The following CNPY4 variants were observed in gnomAD, a reference collection of about 807,000 sequenced individuals.
The protein encoded by CNPY4 is protein canopy homolog 4.
CNPY4 carries 33 observed loss-of-function variants against 30.1 expected under a neutral mutation model. That is an observed-to-expected ratio of 1.10 (90% CI 0.83 to 1.46). The LOEUF is 1.46. Among genes scored for constraint, CNPY4 ranks in the 40% most tolerant of loss-of-function variants. The probability of loss-of-function intolerance (pLI) is 0.00; values close to 1 mark genes in which losing one functional copy is unlikely to be tolerated. For synonymous variants in CNPY4, 109 were observed against 110.1 expected, an observed-to-expected ratio of 0.99 and a Z score of 0.06; for missense variants, 324 against 302.6, an observed-to-expected ratio of 1.07 and a Z score of -0.52.
intron 5 of CNPY4, 32 bp from the exon 6 acceptor site, chr7:100,124,693 A>G (rs746547214): frequency 3.1e-6 from 5 of 1,613,318 alleles, no homozygotes; most frequent in Admixed American, 3.3e-5. Flanking sequence ...TCCAGGACTA[A>G]TATCTAAATT....
chr7:100,123,817 G>A (rs1051860300), intron 4 of CNPY4, among the ~76,000 whole-genome samples: 5 of 152,210 alleles, frequency 3.3e-5, no homozygotes, highest in African/African-American at 7.2e-5. Context: ...ATTGGGCCCT[G>A]CCTTAAGGAA....
chr7:100,122,682 T>TCA (rs1798108162), intron 3 of CNPY4, 102 bp from the exon 4 acceptor site: 1 of 1,518,812 alleles, frequency 6.6e-7, no homozygotes, highest in Non-Finnish European at 9.0e-7. Flanking sequence ...ATCATGGAAC[T>TCA]CACCCTTGAA....
In CNPY4 at chr7:100,122,933, G is replaced by A. The variant is rs766552311; in HGVS notation, c.465+27G>A. On this transcript the variant is annotated intron_variant, in intron 4 of 5. Transcript: ENST00000262932. The stretch of plus-strand genomic sequence containing the variant: ...TAGGATAAGACACTGCACCATCCAG[G>A]GAGGTGAGAAGGGAACCTGAGAGGG... 4 of 1,592,654 alleles carry A rather than the reference G, an allele frequency of 2.5e-6. No individual in the cohort carries two copies. In the East Asian group the frequency reaches 9.0e-5, roughly 36 times the overall value.
intron 1 of CNPY4, chr7:100,122,049 G>GAAAA (rs111511573): frequency 8.0e-4 from 250 of 313,748 alleles, no homozygotes; most frequent in East Asian, 1.6e-3. Flanking sequence ...GAGTCCGTCT[G>GAAAA]AAAAAAAAAA....
rs751721241 is a variant in CNPY4, at chr7:100,124,544, A to G, written c.496A>G (p.Ile166Val). Reference protein sequence around the residue: ...CETMLEEFEDIVGDWYFHHQE... With the variant: ...CETMLEEFEDVVGDWYFHHQE... The stretch of plus-strand genomic sequence containing the variant: ...GACCATGTTGGAGGAGTTTGAAGAC[A>G]TTGTGGGAGACTGGTACTTCCACCA... The change falls in exon 5 of 6, where the codon ATT (isoleucine) becomes GTT (valine). Residue 166 changes from isoleucine to valine, a missense_variant. Transcript: ENST00000262932. 1.2e-6 allele frequency: 2 copies of G among 1,612,952 alleles called. No individual in the cohort carries two copies. The highest frequency in any genetic ancestry group is 1.3e-5 in the African/African-American group (1 of 74,620).
At chr7:100,122,697 CAGT>C in intron 3 of CNPY4, 84 bp from the exon 4 acceptor site, 2 of 1,542,074 alleles carry the variant, frequency 1.3e-6, no homozygotes, top group South Asian at 2.4e-5. Flanking sequence ...CTTGAATCTC[CAGT>C]AGTTGACAAA....
intron 4 of CNPY4, among the ~76,000 whole-genome samples, chr7:100,123,327 G>A (rs1269356228): frequency 6.6e-6 from 1 of 150,900 alleles, no homozygotes; most frequent in Non-Finnish European, 1.5e-5. Flanking sequence ...GGGCGACAGA[G>A]CAAGACTCCA....
At chr7:100,123,175 T>C (rs955351005) in intron 4 of CNPY4, among the ~76,000 whole-genome samples, 1 of 151,540 alleles carries the variant, frequency 6.6e-6, no homozygotes. Flanking sequence ...AACCCCGTCT[T>C]TAATAAAAAC....
chr7:100,119,825 G>C lies in CNPY4; in HGVS notation c.81G>C (p.Glu27Asp), dbSNP rs766317391. 18 of 1,613,636 alleles carry C rather than the reference G, an allele frequency of 1.1e-5. No individual in the cohort carries two copies. The highest frequency in any genetic ancestry group is 1.4e-5 in the Non-Finnish European group (16 of 1,179,910). Residue 27 changes from glutamate (E) to aspartate (D), a missense_variant, in exon 1 of 6, where the codon GAG (glutamate) becomes GAC (aspartate). By Grantham distance (45) the Glu-to-Asp change is conservative. Coordinates refer to ENST00000262932, the MANE Select transcript of CNPY4 (RefSeq NM_152755.2). ...CTTGGGCTGGGATGTTGAAGGAGGAGGACGATGACACAGAACGCTTGCCCA... is the reference window on the plus strand; with the variant it reads ...CTTGGGCTGGGATGTTGAAGGAGGACGACGATGACACAGAACGCTTGCCCA... ...HEAWAGMLKE[E>D]DDDTERLPSK...
chr7:100,124,645 T>C lies in CNPY4; in HGVS notation c.583+14T>C, dbSNP rs201532149. ...CTGCTGAAACTGGTAAGCGTAAGGG[T>C]TGAACTCCTCTCCTGCCAAGCCATA... On this transcript the variant is annotated intron_variant, in intron 5 of 5. Coordinates refer to ENST00000262932, the MANE Select transcript of CNPY4 (RefSeq NM_152755.2). 5.6e-6 allele frequency: 9 copies of C among 1,611,942 alleles called. No individual in the cohort carries two copies. The highest frequency in any genetic ancestry group is 1.7e-4 in the Middle Eastern group (1 of 6,058).
At position 100,124,779 on chromosome 7, in the gene CNPY4, C is replaced by T. The variant is rs1584590392; in HGVS notation, c.638C>T (p.Thr213Ile). The change falls in exon 6 of 6, where the codon ACA (threonine) becomes ATA (isoleucine). Residue 213 changes from threonine (T) to isoleucine (I), a missense_variant. Coordinates refer to ENST00000262932, the MANE Select transcript of CNPY4 (RefSeq NM_152755.2). ...GKEITDGEEK[T>I]EGEEEQEEEE... ...GAGATCACAGATGGGGAAGAGAAAA[C>T]AGAAGGGGAGGAAGAGCAGGAGGAG... The T allele has an allele frequency of 6.2e-7, 1 of 1,613,394 alleles. No homozygotes were observed. The highest frequency in any genetic ancestry group is 8.5e-7 in the Non-Finnish European group (1 of 1,179,864).
Position 100,121,852 on chromosome 7 carries a change from C to T in CNPY4, c.119-407C>T, listed in dbSNP as rs376940929. 4.0e-4 allele frequency among the ~76,000 whole-genome samples: 61 copies of T among 151,558 alleles called. 2 individuals carry two copies. In the South Asian group the frequency reaches 4.8e-3, roughly 12 times the overall value. On this transcript the variant is annotated intron_variant, in intron 1 of 5. Transcript: ENST00000262932. Reference sequence around the variant, plus strand: ...GATCACAAGGTCAGCTGATCGAGACCATCCTGGCTAACACGGTGAAACCCT... The same window carrying T: ...GATCACAAGGTCAGCTGATCGAGACTATCCTGGCTAACACGGTGAAACCCT...
intron 1 of CNPY4, chr7:100,121,065 C>A: frequency 1.1e-5 from 1 of 93,110 alleles, no homozygotes; most frequent in Non-Finnish European, 2.1e-5. Context: ...GAGGGACATA[C>A]TATTATTATC....
In CNPY4 at chr7:100,119,789, C is replaced by A; in HGVS notation, c.45C>A (p.Ala15=). 1 of 1,613,968 alleles carries A rather than the reference C, an allele frequency of 6.2e-7. No individual in the cohort carries two copies. Among genetic ancestry groups the A allele is most frequent in the Middle Eastern group, 1.7e-4 (1 of 6,060 alleles). Residue 15 remains alanine (A), a synonymous_variant, in exon 1 of 6, where the codon GCC becomes GCA. Coordinates refer to ENST00000262932, the MANE Select transcript of CNPY4 (RefSeq NM_152755.2). ...GAATATTGCTTTTCCTTTTTTTGGC[C>A]GTGCACGAGGCTTGGGCTGGGATGT... ...RLGILLFLFL[A]VHEAWAGMLK... is the part of the protein sequence containing the mutation.
At position 100,125,258 on chromosome 7, in the gene CNPY4, G is replaced by A. The variant is rs545565953; in HGVS notation, c.*370G>A. 6.4e-4 allele frequency: 130 copies of A among 202,658 alleles called. 1 individual carries two copies. The highest frequency in any genetic ancestry group is 2.9e-3 in the African/African-American group (122 of 42,660). 12.6% of individuals were successfully genotyped at this position (202,658 alleles called of 1,614,324 possible). ...CTTAGCTCCTTAAGGTCTGTTTTTA[G>A]ACCCTTCCAAGGAAGAGGCCAGAAC... is the stretch of plus-strand genomic sequence containing the variant. On this transcript the variant is annotated 3_prime_UTR_variant, in exon 6 of 6. Transcript: ENST00000262932.
chr7:100,122,042 TC>T, intron 1 of CNPY4: 1 of 389,260 alleles, frequency 2.6e-6, no homozygotes, highest in Non-Finnish European at 4.3e-6. Flanking sequence ...AGAGCGAGAG[TC>T]CGTCTGAAAA....
chr7:100,122,342 C>CTG lies in CNPY4; in HGVS notation c.203_204dup (p.Asp69TrpfsTer23), dbSNP rs1562939255. ...AGAGGTGCTGGAGCTGGGGCAGGTG[C>CTG]TGGATACAGGCAAGAGGAAGAGACA... On this transcript the variant is annotated frameshift_variant, in exon 2 of 6. Transcript: ENST00000262932. LOFTEE classifies it high-confidence loss of function. 6.2e-7 allele frequency: 1 copy of CTG among 1,614,130 alleles called. No individual in the cohort carries two copies. The highest frequency in any genetic ancestry group is 8.5e-7 in the Non-Finnish European group (1 of 1,180,024).
At position 100,124,621 on chromosome 7, in the gene CNPY4, T is replaced by A; in HGVS notation, c.573T>A (p.Ala191=). 2 of 1,613,420 alleles carry A rather than the reference T, an allele frequency of 1.2e-6. No individual in the cohort carries two copies. The highest frequency in any genetic ancestry group is 1.7e-6 in the Non-Finnish European group (2 of 1,179,746). ...TCTGTGAAGGTCATGTGCTCCCAGC[T>A]GCTGAAACTGGTAAGCGTAAGGGTT... The part of the protein sequence containing the change: ...NFLCEGHVLP[A]AETACLQETW... Residue 191 remains alanine, a synonymous_variant, in exon 5 of 6, where the codon GCT becomes GCA. Transcript: ENST00000262932.
intron 2 of CNPY4, 37 bp downstream of exon 2, chr7:100,122,422 A>C: frequency 1.2e-6 from 2 of 1,613,836 alleles, no homozygotes; most frequent in African/African-American, 1.3e-5. Flanking sequence ...CCAACCCCCA[A>C]CGGAGCCCTG....
Sources: gnomAD v4.1 joint callset for allele counts (sites outside exome capture counted in the v4.1 genomes callset) on GRCh38, gnomAD v4.1.1 for gene constraint, MANE v1.5 for transcripts, NCBI Gene and HGNC (gene_info 2026-07-23, HGNC 2026-07-21) for gene names.